The following SGCD variants were observed in gnomAD, a reference collection of about 807,000 sequenced individuals.
The protein encoded by SGCD is delta-sarcoglycan.
A neutral mutation model predicts 36.6 loss-of-function variants in SGCD; 18 were observed. That is an observed-to-expected ratio of 0.49 (90% confidence interval 0.34 to 0.73). The LOEUF is 0.73. Among genes scored for constraint, SGCD ranks in the 30% least tolerant of loss-of-function variants. The pLI is 0.01. For missense variants in SGCD, 387 were observed against 346.7 expected, an observed-to-expected ratio of 1.12 and a Z score of -0.92; for synonymous variants, 133 against 130.6, an observed-to-expected ratio of 1.02 and a Z score of -0.12.
At chr5:156,144,955 T>C (rs1426195390) in intron 3 of SGCD, among the ~76,000 whole-genome samples, 7 of 152,224 alleles carry the variant, frequency 4.6e-5, no homozygotes, top group Admixed American at 4.6e-4. Flanking sequence ...GTTAAGACTT[T>C]GGTGAACTGT....
chr5:156,254,258 G>A lies in SGCD; in HGVS notation c.-43-75276G>A, dbSNP rs79947639. ...TAAAAATTATACTTTAAGTTTTAGG[G>A]TACACTGCACAACATGCAACTTAGT... is the stretch of plus-strand genomic sequence containing the variant. On this transcript the variant is annotated intron_variant, in intron 3 of 9. Coordinates refer to the SGCD transcript ENST00000517913. Among the ~76,000 whole-genome samples, 1,126 of 152,136 alleles carry A rather than the reference G, an allele frequency of 7.4e-3. 7 individuals carry two copies. The highest frequency in any genetic ancestry group is 0.021 in the African/African-American group (871 of 41,506).
the SGCD span, among the ~76,000 whole-genome samples, chr5:155,729,175 A>G: frequency 6.6e-6 from 1 of 152,186 alleles, no homozygotes; most frequent in East Asian, 1.9e-4. Flanking sequence ...TAAGCCAAGG[A>G]GGGAGTCCCC....
Position 156,344,478 on chromosome 5 carries a change from G to A in SGCD, c.4-11G>A, listed in dbSNP as rs754124727. ...AATGTGAGTGCTTCTCTCTTGCCTC[G>A]TTTATTTCAGATGCCTCAGGAGCAG... On this transcript the variant is annotated splice_polypyrimidine_tract_variant and intron_variant, in intron 2 of 8. Transcript: ENST00000337851. 43 of 1,538,148 alleles carry A rather than the reference G, an allele frequency of 2.8e-5. No individual in the cohort carries two copies. Among genetic ancestry groups the A allele is most frequent in the South Asian group, 1.6e-4 (12 of 76,386 alleles).
At chr5:156,229,231 T>TATAC (rs1168561247) in intron 3 of SGCD, among the ~76,000 whole-genome samples, 2 of 126,132 alleles carry the variant, frequency 1.6e-5, no homozygotes, top group Non-Finnish European at 3.4e-5. Flanking sequence ...TTTATATACA[T>TATAC]ATACATACAT....
At chr5:155,817,028 T>C in the SGCD span, among the ~76,000 whole-genome samples, 1 of 152,206 alleles carries the variant, frequency 6.6e-6, no homozygotes, top group Non-Finnish European at 1.5e-5. Flanking sequence ...TCATAGTATA[T>C]ACAGCATTTT....
At chr5:156,036,538 A>G (rs966610080) in intron 1 of SGCD, among the ~76,000 whole-genome samples, 2 of 152,212 alleles carry the variant, frequency 1.3e-5, no homozygotes, top group Non-Finnish European at 2.9e-5. Context: ...GGTTTCTGAA[A>G]GACAACTCAG....
chr5:155,991,262 A>G (rs1758427150), intron 1 of SGCD, among the ~76,000 whole-genome samples: 1 of 152,244 alleles, frequency 6.6e-6, no homozygotes, highest in African/African-American at 2.4e-5. Flanking sequence ...ACACAAGAAT[A>G]AATGGTATGC....
intron 3 of SGCD, among the ~76,000 whole-genome samples, chr5:156,208,793 G>T (rs1764358368): frequency 6.6e-6 from 1 of 152,078 alleles, no homozygotes. Flanking sequence ...TCAACATGGT[G>T]GAATAGAACT....
At chr5:156,407,541 G>A (rs942010050) in intron 3 of SGCD, among the ~76,000 whole-genome samples, 1 of 151,938 alleles carries the variant, frequency 6.6e-6, no homozygotes, top group African/African-American at 2.4e-5. Context: ...AATAAGTAAA[G>A]AATTTTTAAA....
In SGCD at chr5:156,704,897, T is replaced by TA. The variant is rs879488777; in HGVS notation, c.576-52672dup. On this transcript the variant is annotated intron_variant, in intron 7 of 8. Coordinates refer to ENST00000337851, the MANE Select transcript of SGCD (RefSeq NM_000337.6). ...TCACCTGGTGGTAGCTTGCCTAGAT[T>TA]AAAAAAAAAAAAGAAAGACTTTCTA... is the stretch of plus-strand genomic sequence containing the variant. Among the ~76,000 whole-genome samples the TA allele has an allele frequency of 7.5e-3, 1,064 of 142,390 alleles. 19 individuals are homozygous for TA. The highest frequency in any genetic ancestry group is 0.023 in the African/African-American group (901 of 39,100). The allele number at this position is 142,390 out of a possible 152,430, so 93.4% of individuals were successfully genotyped here.
chr5:155,767,101 A>C, the SGCD span, among the ~76,000 whole-genome samples: 2 of 152,198 alleles, frequency 1.3e-5, no homozygotes, highest in Non-Finnish European at 2.9e-5. Context: ...CCCTGAGCAC[A>C]TGTGAATGCT....
At chr5:156,315,457 T>G (rs1015345476) in intron 3 of SGCD, among the ~76,000 whole-genome samples, 2 of 151,948 alleles carry the variant, frequency 1.3e-5, no homozygotes, top group African/African-American at 4.8e-5. Flanking sequence ...TAACCACTCA[T>G]TGGTTGATGG....
intron 2 of SGCD, among the ~76,000 whole-genome samples, chr5:156,339,916 GCCTTTAATTGTCT>G (rs1768559099): frequency 6.6e-6 from 1 of 152,110 alleles, no homozygotes; most frequent in Non-Finnish European, 1.5e-5. Flanking sequence ...TGGTTGTATA[GCCTTTAATTGTCT>G]CTTCATATGA....
At chr5:156,321,902 C>A (rs901872261), upstream of SGCD, among the ~76,000 whole-genome samples, 1 of 152,138 alleles carries the variant, frequency 6.6e-6, no homozygotes, top group Non-Finnish European at 1.5e-5. Context: ...ACATCTCTCC[C>A]CCCATCCTCT....
At chr5:156,300,966 T>A (rs1767038012) in intron 3 of SGCD, among the ~76,000 whole-genome samples, 2 of 152,064 alleles carry the variant, frequency 1.3e-5, no homozygotes, top group South Asian at 4.1e-4. Context: ...GCATATCTTT[T>A]TCCATCCCTC....
At chr5:156,034,932 A>T (rs2127576677) in intron 1 of SGCD, among the ~76,000 whole-genome samples, 1 of 152,354 alleles carries the variant, frequency 6.6e-6, no homozygotes, top group African/African-American at 2.4e-5. Flanking sequence ...AGTGCTTAAT[A>T]AATGTAAGCA....
Position 156,077,350 on chromosome 5 carries a change from A to G in SGCD, c.-281-40528A>G, listed in dbSNP as rs948790917. Among the ~76,000 whole-genome samples, 4 of 152,146 alleles carry G rather than the reference A, an allele frequency of 2.6e-5. No homozygotes were observed. The East Asian group carries it at 5.8e-4, about 22-fold the overall frequency. ...CCCCTCTTCTCAGTTACTTACCTCT[A>G]TAACCCCAGCCCTATATTCTTATTA... On this transcript the variant is annotated intron_variant, in intron 1 of 9. Coordinates refer to the SGCD transcript ENST00000517913.
chr5:156,716,285 C>G (rs1389721494), intron 7 of SGCD, among the ~76,000 whole-genome samples: 1 of 152,290 alleles, frequency 6.6e-6, no homozygotes, highest in East Asian at 1.9e-4. Context: ...TTTACTCAAA[C>G]CTCACCACTT....
intron 3 of SGCD, among the ~76,000 whole-genome samples, chr5:156,245,654 A>G (rs566399256): frequency 2.6e-5 from 4 of 152,298 alleles, no homozygotes; most frequent in Non-Finnish European, 5.9e-5. Flanking sequence ...TCTAGTCTAA[A>G]TATCATGTTA....
Sources: allele counts gnomAD v4.1 joint callset (sites outside exome capture counted in the v4.1 genomes callset), GRCh38; gene constraint gnomAD v4.1.1; transcripts MANE v1.5; gene names NCBI Gene and HGNC (gene_info 2026-07-23, HGNC 2026-07-21).